MCF2L: variants seen among roughly 807,000 people sequenced by gnomAD.
The protein encoded by MCF2L is MCF.2 cell line derived transforming sequence like.
Under a neutral mutation model 153.4 loss-of-function variants are expected in MCF2L, and 97 were observed. The observed-to-expected ratio is 0.63, with a 90% confidence interval of 0.54 to 0.75. The LOEUF (loss-of-function observed/expected upper bound fraction) is 0.75, where lower values mean the gene tolerates loss of function less well. MCF2L is among the 30% of genes least tolerant of loss of function. MCF2L has a pLI of 0.00. For missense variants in MCF2L, 1,347 were observed against 1,495.2 expected (o/e 0.90, Z 1.64); for synonymous variants, 659 against 632.2 (o/e 1.04, Z -0.64).
At chr13:113,021,042 G>A (rs915642499) in intron 2 of MCF2L, among the ~76,000 whole-genome samples, 5 of 141,840 alleles carry the variant, frequency 3.5e-5, no homozygotes, top group South Asian at 2.6e-4. Context: ...GCGTGTAGCT[G>A]TGTGTGTATA....
intron 2 of MCF2L, among the ~76,000 whole-genome samples, chr13:112,925,123 T>C (rs1374465641): frequency 2.6e-5 from 4 of 152,224 alleles, no homozygotes; most frequent in African/African-American, 9.7e-5. Context: ...CCAATAGGCA[T>C]ATCCAATAAG....
rs931638644 is a variant in MCF2L at position 113,035,192 on chromosome 13, C to T, written c.279-10079C>T. ...TTTTGGAAAAATGTTGAAACTGGGGCGGCTTCTCTGGGTGACTCTGACGCT... is the reference window on the plus strand; with the variant it reads ...TTTTGGAAAAATGTTGAAACTGGGGTGGCTTCTCTGGGTGACTCTGACGCT... On this transcript the variant is annotated intron_variant, in intron 3 of 29. Transcript: ENST00000535094. This position sits in a 1 kb window ranked among gnomAD's most constrained non-coding sequence, Gnocchi z 4.4. Among the ~76,000 whole-genome samples, 5 of 152,168 alleles carry T rather than the reference C, an allele frequency of 3.3e-5. No homozygotes were observed. The highest frequency in any genetic ancestry group is 7.2e-5 in the African/African-American group (3 of 41,446).
intron 2 of MCF2L, among the ~76,000 whole-genome samples, chr13:112,950,798 A>G (rs1163542976): frequency 6.6e-6 from 1 of 152,248 alleles, no homozygotes; most frequent in Non-Finnish European, 1.5e-5. Context: ...AATATAGTAG[A>G]CAACACTTAG....
chr13:112,977,177 A>G (rs893809708), intron 1 of MCF2L, among the ~76,000 whole-genome samples: 8 of 152,224 alleles, frequency 5.3e-5, no homozygotes, highest in Admixed American at 3.3e-4. Flanking sequence ...TTTACTGCCA[A>G]AAATGATACC....
intron 4 of MCF2L, among the ~76,000 whole-genome samples, chr13:113,060,242 G>T (rs188323662): frequency 6.6e-6 from 1 of 152,310 alleles, no homozygotes; most frequent in Admixed American, 6.5e-5. Flanking sequence ...TAAAGACCGC[G>T]TCACCAGCCA....
Position 112,960,580 on chromosome 13 carries a change from G to C in MCF2L, c.170-54183G>C, listed in dbSNP as rs548449725. Among the ~76,000 whole-genome samples the C allele has an allele frequency of 6.6e-6, 1 of 152,314 alleles. No homozygotes were observed. The highest frequency in any genetic ancestry group is 1.5e-5 in the Non-Finnish European group (1 of 68,024). On this transcript the variant is annotated intron_variant, in intron 2 of 29. Coordinates refer to the MCF2L transcript ENST00000375608. The surrounding 1 kb of genome is among the most constrained non-coding windows in gnomAD (Gnocchi z 4.2). ...GGGGGCTTTGGGGTTTCGGTGTCCA[G>C]GGCTGTGTCAGTTTCCTATTGCAGT...
At chr13:112,903,775 C>T (rs1285771978) in intron 2 of MCF2L, among the ~76,000 whole-genome samples, 5 of 152,166 alleles carry the variant, frequency 3.3e-5, no homozygotes, top group Non-Finnish European at 7.3e-5. Context: ...ACCAGGTGCT[C>T]TCATTATTCC....
chr13:112,917,295 C>G, intron 2 of MCF2L: 3 of 412,696 alleles, frequency 7.3e-6, no homozygotes, highest in South Asian at 5.4e-5. Context: ...CACCATAGTT[C>G]ACTGCACCTC....
Position 113,084,209 on chromosome 13 carries a change from C to G in MCF2L, c.2061+142C>G. ...TCAATTTGGCTGAGATACCATGATG[C>G]TCCTGTACCCCTAGAACCTCCTGAA... On this transcript the variant is annotated intron_variant, in intron 18 of 29. Transcript: ENST00000535094. 3 of 728,668 alleles carry G rather than the reference C, an allele frequency of 4.1e-6. No individual in the cohort carries two copies. In the South Asian group the frequency reaches 5.1e-5, roughly 13 times the overall value. The allele number at this position is 728,668 out of a possible 1,614,324, so 45.1% of individuals were successfully genotyped here.
At chr13:112,900,041 T>A (rs1158179271) in intron 1 of MCF2L, among the ~76,000 whole-genome samples, 1 of 152,172 alleles carries the variant, frequency 6.6e-6, no homozygotes, top group Non-Finnish European at 1.5e-5. Flanking sequence ...GCCAGGGGCA[T>A]AAACGTGACC....
chr13:112,927,501 GA>G lies in MCF2L; in HGVS notation c.169+25131del, dbSNP rs545483372. Reference sequence around the variant, plus strand: ...GGGTCTGGGGAAAAATGTTTCCAACGAGCCTACAACATCTTGTTCTACCAGC... The same window carrying G: ...GGGTCTGGGGAAAAATGTTTCCAACGGCCTACAACATCTTGTTCTACCAGC... On this transcript the variant is annotated intron_variant, in intron 2 of 29. Coordinates refer to the MCF2L transcript ENST00000375608. Among the ~76,000 whole-genome samples, 16 of 152,128 alleles carry G rather than the reference GA, an allele frequency of 1.1e-4. No individual in the cohort carries two copies. The East Asian group carries it at 2.9e-3, about 28-fold the overall frequency.
At chr13:112,962,343 A>G (rs2081841818) in intron 2 of MCF2L, among the ~76,000 whole-genome samples, 1 of 152,214 alleles carries the variant, frequency 6.6e-6, no homozygotes, top group Non-Finnish European at 1.5e-5. Context: ...GCACACACAC[A>G]TACAAACACA....
At chr13:113,012,696 G>A (rs2084239428) in intron 1 of MCF2L, among the ~76,000 whole-genome samples, 1 of 110,346 alleles carries the variant, frequency 9.1e-6, no homozygotes, top group African/African-American at 3.3e-5. Flanking sequence ...CTGCAGTGTG[G>A]ATGGTGGACA....
chr13:113,057,293 G>GAGTGTT (rs2030185065), intron 4 of MCF2L, among the ~76,000 whole-genome samples: 1 of 146,048 alleles, frequency 6.8e-6, no homozygotes, highest in African/African-American at 2.5e-5. Context: ...TTTGGGTGCT[G>GAGTGTT]TGGGTGCTGA....
Position 113,053,420 on chromosome 13 carries a change from C to T in MCF2L, c.370-7173C>T, listed in dbSNP as rs1232830928. 6.6e-6 allele frequency among the ~76,000 whole-genome samples: 1 copy of T among 152,208 alleles called. No individual in the cohort carries two copies. Among genetic ancestry groups the T allele is most frequent in the African/African-American group, 2.4e-5 (1 of 41,448 alleles). On this transcript the variant is annotated intron_variant, in intron 4 of 29. Coordinates refer to ENST00000535094, the MANE Select transcript of MCF2L (RefSeq NM_001112732.3). The surrounding 1 kb of genome is among the most constrained non-coding windows in gnomAD (Gnocchi z 4.4). ...CTGGTTTCCTTGTAATTAGGTTCCACGTGGTCCTTTGGGGCGGGAATCCTG... is the reference window on the plus strand; with the variant it reads ...CTGGTTTCCTTGTAATTAGGTTCCATGTGGTCCTTTGGGGCGGGAATCCTG...
intron 5 of MCF2L, 25 bp downstream of exon 5, chr13:113,060,737 G>A (rs769969946): frequency 6.2e-7 from 1 of 1,610,232 alleles, no homozygotes; most frequent in African/African-American, 1.3e-5. Context: ...CCTCCATCCT[G>A]CGGTAGCAGA....
intron 1 of MCF2L, among the ~76,000 whole-genome samples, chr13:113,014,245 G>T (rs1594658935): frequency 6.6e-6 from 1 of 152,342 alleles, no homozygotes; most frequent in South Asian, 2.1e-4. Flanking sequence ...TCCGTCTAAT[G>T]GCGAGGCCAG....
In MCF2L at chr13:112,993,352, A is replaced by C. The variant is rs2082971045; in HGVS notation, c.80-21411A>C. Reference sequence around the variant, plus strand: ...CCGACCTGAGGGCTCTGGGGTCAACACCGGTCCAGGAATTTGACTGTTAGC... The same window carrying C: ...CCGACCTGAGGGCTCTGGGGTCAACCCCGGTCCAGGAATTTGACTGTTAGC... On this transcript the variant is annotated intron_variant, in intron 1 of 29. Coordinates refer to ENST00000535094, the MANE Select transcript of MCF2L (RefSeq NM_001112732.3). This position sits in a 1 kb window ranked among gnomAD's most constrained non-coding sequence, Gnocchi z 4.6. 6.6e-6 allele frequency among the ~76,000 whole-genome samples: 1 copy of C among 152,220 alleles called. No individual in the cohort carries two copies. The highest frequency in any genetic ancestry group is 2.4e-5 in the African/African-American group (1 of 41,456).
Position 113,095,865 on chromosome 13 carries a change from T to C in MCF2L, c.3076-506T>C, listed in dbSNP as rs1006046987. ...AGCATCCGCTGTGTGCCAGGCACAG[T>C]TCTAGGCCCCGGAGACAAAGCGGGA... On this transcript the variant is annotated intron_variant, in intron 27 of 29. Coordinates refer to ENST00000535094, the MANE Select transcript of MCF2L (RefSeq NM_001112732.3). 4.3e-6 allele frequency: 4 copies of C among 928,380 alleles called. No homozygotes were observed. The East Asian group carries it at 3.2e-4, about 74-fold the overall frequency. The allele number at this position is 928,380 out of a possible 1,614,324, so 57.5% of individuals were successfully genotyped here.
Sources: allele counts gnomAD v4.1 joint callset (sites outside exome capture counted in the v4.1 genomes callset), GRCh38; gene constraint gnomAD v4.1.1; non-coding constraint Gnocchi (gnomAD v3.1); transcripts MANE v1.5; gene names NCBI Gene and HGNC (gene_info 2026-07-23, HGNC 2026-07-21).